PITPNM2: variants seen among roughly 807,000 people sequenced by gnomAD.
PITPNM2 encodes the protein membrane-associated phosphatidylinositol transfer protein 2.
A neutral mutation model predicts 132.2 loss-of-function variants in PITPNM2; 35 were observed. That is an observed-to-expected ratio of 0.26 (90% CI 0.20 to 0.35). PITPNM2 has a LOEUF of 0.35. PITPNM2 is among the 10% of genes least tolerant of loss of function. PITPNM2 has a pLI of 1.00. For missense variants in PITPNM2, 1,332 were observed against 1,912.0 expected, an observed-to-expected ratio of 0.70 and a Z score of 5.66; for synonymous variants, 738 against 799.2, an observed-to-expected ratio of 0.92 and a Z score of 1.29.
chr12:123,046,554 C>T (rs1339382857), intron 2 of PITPNM2, among the ~76,000 whole-genome samples: 1 of 152,098 alleles, frequency 6.6e-6, no homozygotes, highest in African/African-American at 2.4e-5. Context: ...TTTTCCTCAC[C>T]CAAAAAGAAA....
chr12:123,060,749 C>G (rs1293525462), intron 2 of PITPNM2, among the ~76,000 whole-genome samples: 1 of 152,152 alleles, frequency 6.6e-6, no homozygotes, highest in Non-Finnish European at 1.5e-5. Context: ...TTCCAGGGTC[C>G]CTGGGTATAG....
chr12:123,147,981 G>A (rs1410424694), intron 1 of PITPNM2, among the ~76,000 whole-genome samples: 1 of 152,166 alleles, frequency 6.6e-6, no homozygotes, highest in African/African-American at 2.4e-5. Context: ...CCTGCGGGAA[G>A]GCAAAGTTTG....
intron 2 of PITPNM2, among the ~76,000 whole-genome samples, chr12:123,047,464 A>G (rs2040698925): frequency 6.6e-6 from 1 of 152,200 alleles, no homozygotes; most frequent in Non-Finnish European, 1.5e-5. Flanking sequence ...GGGAATAAGA[A>G]TTTTTAACAA....
intron 1 of PITPNM2, among the ~76,000 whole-genome samples, chr12:123,132,910 A>G (rs975180198): frequency 6.6e-6 from 1 of 152,220 alleles, no homozygotes; most frequent in African/African-American, 2.4e-5. Context: ...ACCAAACAGT[A>G]TGGCATATGA....
chr12:123,112,442 C>G (rs987321478), intron 1 of PITPNM2, among the ~76,000 whole-genome samples: 7 of 152,092 alleles, frequency 4.6e-5, no homozygotes, highest in Non-Finnish European at 7.4e-5. Flanking sequence ...TGGAGGGGAG[C>G]AGGGCATCCA....
chr12:123,006,719 GTAATAATAATAATAATAATAA>G (rs10612599), intron 6 of PITPNM2, among the ~76,000 whole-genome samples: 1 of 140,112 alleles, frequency 7.1e-6, no homozygotes, highest in Non-Finnish European at 1.5e-5. Flanking sequence ...TCTCAAAATA[GTAATAATAATAATAATAATAA>G]TAATAATAAT....
chr12:123,078,405 C>T lies in PITPNM2; in HGVS notation c.-96+31980G>A, dbSNP rs2041857037. On this transcript the variant is annotated intron_variant, in intron 2 of 25. Transcript: ENST00000320201. The surrounding 1 kb of genome is among the most constrained non-coding windows in gnomAD (Gnocchi z 7.3). ...AAAAGGGAGGAGATGGGGGCTTTCT[C>T]GCCTGGCTCGTGGTGCTCCGCTGCC... is the stretch of plus-strand genomic sequence containing the variant. 6.6e-6 allele frequency among the ~76,000 whole-genome samples: 1 copy of T among 152,208 alleles called. No individual in the cohort carries two copies. Among genetic ancestry groups the T allele is most frequent in the African/African-American group, 2.4e-5 (1 of 41,454 alleles).
intron 1 of PITPNM2, among the ~76,000 whole-genome samples, chr12:123,143,059 A>G (rs1268910917): frequency 6.6e-6 from 1 of 152,084 alleles, no homozygotes; most frequent in East Asian, 1.9e-4. Context: ...AGACAACCTC[A>G]CGCCACTGAT....
intron 23 of PITPNM2, 96 bp downstream of exon 23, chr12:122,987,185 C>T: frequency 6.5e-7 from 1 of 1,548,342 alleles, no homozygotes; most frequent in Non-Finnish European, 8.8e-7. Flanking sequence ...AGGCGTCCCC[C>T]ACAGAGGCTC....
In PITPNM2 at chr12:123,117,549, G is replaced by T. The variant is rs1201527519; in HGVS notation, c.-199-7061C>A. On this transcript the variant is annotated intron_variant, in intron 1 of 25. Coordinates refer to ENST00000320201, the MANE Select transcript of PITPNM2 (RefSeq NM_020845.3). This position sits in a 1 kb window ranked among gnomAD's most constrained non-coding sequence, Gnocchi z 4.7. ...GGCTGGGCTTCATGACCTCTGAAAG[G>T]GTTCTCAGTTCAGCTCCAACATTCT... is the stretch of plus-strand genomic sequence containing the variant. Among the ~76,000 whole-genome samples the T allele has an allele frequency of 6.6e-6, 1 of 152,112 alleles. No homozygotes were observed. The highest frequency in any genetic ancestry group is 1.5e-5 in the Non-Finnish European group (1 of 68,028).
At chr12:123,043,458 T>A (rs1220688290) in intron 2 of PITPNM2, among the ~76,000 whole-genome samples, 2 of 151,996 alleles carry the variant, frequency 1.3e-5, no homozygotes, top group South Asian at 4.2e-4. Context: ...GCCTGGGCAG[T>A]GAAGAGGGGG....
At chr12:123,124,981 CAG>C (rs1296257709) in intron 1 of PITPNM2, among the ~76,000 whole-genome samples, 1 of 152,106 alleles carries the variant, frequency 6.6e-6, no homozygotes, top group Non-Finnish European at 1.5e-5. Flanking sequence ...TATTTTGAGA[CAG>C]AGTCTCGCTC....
chr12:123,055,139 ATAAGT>A (rs1020188815), intron 2 of PITPNM2, among the ~76,000 whole-genome samples: 1 of 152,204 alleles, frequency 6.6e-6, no homozygotes, highest in Admixed American at 6.5e-5. Context: ...AAAACTCCAA[ATAAGT>A]TAAGGTGTTT....
chr12:123,145,796 T>A (rs1450409238), intron 1 of PITPNM2, among the ~76,000 whole-genome samples: 1 of 152,136 alleles, frequency 6.6e-6, no homozygotes, highest in Admixed American at 6.5e-5. Context: ...CTGGGCAACA[T>A]AGCAAGACGT....
intron 1 of PITPNM2, among the ~76,000 whole-genome samples, chr12:123,133,494 C>T (rs190918585): frequency 6.6e-6 from 1 of 152,288 alleles, no homozygotes; most frequent in East Asian, 1.9e-4. Flanking sequence ...AAGTCACTTC[C>T]CACCACAGGC....
rs1416654357 is a variant in PITPNM2, at chr12:122,986,107, T to C, written c.3970A>G (p.Ser1324Gly). 6.8e-7 allele frequency: 1 copy of C among 1,479,394 alleles called. No individual in the cohort carries two copies. The highest frequency in any genetic ancestry group is 2.4e-5 in the Admixed American group (1 of 41,598). 91.6% of individuals were successfully genotyped at this position (1,479,394 alleles called of 1,614,324 possible). A position where few individuals can be genotyped will look rare whatever the true frequency, so the allele number is the denominator to read the frequency against. Residue 1324 changes from serine to glycine, a missense_variant, in exon 26 of 26, where the codon AGC (serine) becomes GGC (glycine). By Grantham distance (56) the Ser-to-Gly change is moderately conservative. Coordinates refer to ENST00000320201, the MANE Select transcript of PITPNM2 (RefSeq NM_020845.3). ...QADGEQRGQR[S>G]MSVAAGCWGR... ...CAGCAGCCGGCCGCCACACTCATGC[T>C]GCGCTGGCCCCGCTGCTCGCCATCC...
At chr12:123,092,958 AC>A (rs2042309858) in intron 2 of PITPNM2, 2 of 152,186 alleles carry the variant, frequency 1.3e-5, no homozygotes, top group Admixed American at 6.5e-5. Context: ...ATGTAAAAGC[AC>A]CCTTTAAAAA....
intron 2 of PITPNM2, among the ~76,000 whole-genome samples, chr12:123,043,147 C>A (rs1280082116): frequency 6.6e-6 from 1 of 152,000 alleles, no homozygotes; most frequent in African/African-American, 2.4e-5. Context: ...AAGCAGAGGA[C>A]CCTGCTGCAG....
chr12:123,146,588 C>T (rs989224320), intron 1 of PITPNM2, among the ~76,000 whole-genome samples: 2 of 151,228 alleles, frequency 1.3e-5, no homozygotes, highest in African/African-American at 4.9e-5. Flanking sequence ...GAGCGAAATT[C>T]CATCTAAAAA....
Sources: allele counts gnomAD v4.1 joint callset (sites outside exome capture counted in the v4.1 genomes callset), GRCh38; gene constraint gnomAD v4.1.1; non-coding constraint Gnocchi (gnomAD v3.1); transcripts MANE v1.5; gene names NCBI Gene and HGNC (gene_info 2026-07-23, HGNC 2026-07-21).